Variants in MAX observed in about 807,000 individuals in gnomAD.
MAX encodes the protein MYC associated transcriptional regulator X.
Under a neutral mutation model 22.3 loss-of-function variants are expected in MAX, and 3 were observed. The observed-to-expected ratio is 0.13, with a 90% CI of 0.06 to 0.35. The LOEUF (loss-of-function observed/expected upper bound fraction) is 0.35. MAX is among the 10% of genes least tolerant of loss of function. The pLI is 1.00. For missense variants in MAX, 119 were observed against 209.4 expected (o/e 0.57, Z 2.66); for synonymous variants, 72 against 77.7 (o/e 0.93, Z 0.39).
chr14:65,019,740 T>C (rs554942981), intron 3 of MAX, among the ~76,000 whole-genome samples: 57 of 152,330 alleles, frequency 3.7e-4, no homozygotes, highest in African/African-American at 1.3e-3. Context: ...ATAATGTATT[T>C]TGCTTTGTGC....
intron 3 of MAX, chr14:65,015,695 TC>T (rs1482427198): frequency 6.2e-7 from 1 of 1,614,022 alleles, no homozygotes; most frequent in Non-Finnish European, 8.5e-7. Flanking sequence ...GATGAACCCA[TC>T]CCCCAGATAG....
chr14:65,093,423 T>C lies in MAX; in HGVS notation c.171+285A>G, dbSNP rs909215069. 1 of 431,976 alleles carries C rather than the reference T, an allele frequency of 2.3e-6. No homozygotes were observed. Among genetic ancestry groups the C allele is most frequent in the Non-Finnish European group, 4.3e-6 (1 of 231,882 alleles). The allele number at this position is 431,976 out of a possible 1,614,324, so 26.8% of individuals were successfully genotyped here. ...CTCTTGGCCACTCTTTATACTATAG[T>C]GTATAGTTATAATTTCTTGAATTTA... On this transcript the variant is annotated intron_variant, in intron 3 of 4. Transcript: ENST00000358664. The surrounding 1 kb of genome is among the most constrained non-coding windows in gnomAD (Gnocchi z 4.4).
In MAX at chr14:65,021,070, T is replaced by C. The variant is rs180849769; in HGVS notation, c.172-14786A>G. On this transcript the variant is annotated intron_variant, in intron 3 of 3. Transcript: ENST00000341653. ...AAGAGGTTATATGCACACATTTATA[T>C]GTGTTTATCTAAAATGAATTAATAT... Among the ~76,000 whole-genome samples the C allele has an allele frequency of 2.1e-3, 323 of 152,324 alleles. 2 individuals are homozygous for C. The highest frequency in any genetic ancestry group is 3.0e-3 in the Non-Finnish European group (203 of 68,016).
chr14:65,070,464 G>C (rs116882047), downstream of MAX, among the ~76,000 whole-genome samples: 631 of 152,306 alleles, frequency 4.1e-3, 10 homozygotes, highest in East Asian at 0.04. This position sits in a 1 kb window ranked among gnomAD's most constrained non-coding sequence, Gnocchi z 4.4. Context: ...GACAGCAAAG[G>C]AAAACAATCC....
At position 65,027,539 on chromosome 14, in the gene MAX, A is replaced by T. The variant is rs570650527; in HGVS notation, c.172-21255T>A. Reference sequence around the variant, plus strand: ...CAGTATCCACACCTTGCACCCACATATGCAGCAGTCAATGCATTGTGCATC... The same window carrying T: ...CAGTATCCACACCTTGCACCCACATTTGCAGCAGTCAATGCATTGTGCATC... On this transcript the variant is annotated intron_variant, in intron 3 of 3. Transcript: ENST00000341653. The surrounding 1 kb of genome is among the most constrained non-coding windows in gnomAD (Gnocchi z 5.7). The T allele has an allele frequency of 2.2e-5, 36 of 1,614,202 alleles. No homozygotes were observed. In the East Asian group the frequency reaches 7.8e-4, roughly 35 times the overall value.
rs925695783 is a variant in MAX at position 65,031,424 on chromosome 14, T to C, written c.172-25140A>G. Among the ~76,000 whole-genome samples the C allele has an allele frequency of 1.3e-5, 2 of 151,596 alleles. No homozygotes were observed. Among genetic ancestry groups the C allele is most frequent in the Non-Finnish European group, 2.9e-5 (2 of 67,868 alleles). On this transcript the variant is annotated intron_variant, in intron 3 of 3. Coordinates refer to the MAX transcript ENST00000341653. The surrounding 1 kb of genome is among the most constrained non-coding windows in gnomAD (Gnocchi z 4.6). ...CCCCCGCCTCCCGGGTTCAAGTGGT[T>C]CTCCTGCCTCAGCCTCCCAAGTAGT...
intron 3 of MAX, among the ~76,000 whole-genome samples, chr14:65,013,605 A>T (rs777849951): frequency 6.6e-6 from 1 of 152,230 alleles, no homozygotes; most frequent in Non-Finnish European, 1.5e-5. Flanking sequence ...GCTGGAGTGC[A>T]GTGGCATGAT....
In MAX at chr14:65,084,139, A is replaced by G; in HGVS notation, c.172-6103T>C. ...GCCCTCAAGCAGCTTAATTAAAGCC[A>G]GGAGTAAGACATTTGTGTAAGGGGT... is the stretch of plus-strand genomic sequence containing the variant. On this transcript the variant is annotated intron_variant, in intron 3 of 4. Transcript: ENST00000358664. This position sits in a 1 kb window ranked among gnomAD's most constrained non-coding sequence, Gnocchi z 4.3. The G allele has an allele frequency of 3.7e-6, 6 of 1,611,260 alleles. No homozygotes were observed. The highest frequency in any genetic ancestry group is 5.1e-6 in the Non-Finnish European group (6 of 1,178,208).
chr14:65,034,432 CACTT>C (rs1397318421), intron 3 of MAX, among the ~76,000 whole-genome samples: 1 of 152,230 alleles, frequency 6.6e-6, no homozygotes, highest in Non-Finnish European at 1.5e-5. Context: ...TCTAATCTCA[CACTT>C]AATTATTTGG....
At chr14:65,006,647 G>T (rs1384507532) in intron 3 of MAX, among the ~76,000 whole-genome samples, 1 of 152,218 alleles carries the variant, frequency 6.6e-6, no homozygotes, top group Non-Finnish European at 1.5e-5. Flanking sequence ...CTGAGTCACT[G>T]TCCACTGCCT....
In MAX at chr14:65,054,436, G is replaced by A. The variant is rs2062683116; in HGVS notation, c.171+39272C>T. The A allele has an allele frequency of 3.6e-6, 3 of 829,736 alleles. No individual in the cohort carries two copies. Among genetic ancestry groups the A allele is most frequent in the Non-Finnish European group, 5.6e-6 (3 of 532,262 alleles). 51.4% of individuals were successfully genotyped at this position (829,736 alleles called of 1,614,324 possible). ...GTGGGGCTTTAAATAACACTGCTGGGAAAACCATGCCTCCTCTAGCCACAT... is the reference window on the plus strand; with the variant it reads ...GTGGGGCTTTAAATAACACTGCTGGAAAAACCATGCCTCCTCTAGCCACAT... On this transcript the variant is annotated intron_variant, in intron 3 of 3. Transcript: ENST00000341653. This position sits in a 1 kb window ranked among gnomAD's most constrained non-coding sequence, Gnocchi z 4.4.
Position 65,081,706 on chromosome 14 carries a change from A to T in MAX, c.172-3670T>A, listed in dbSNP as rs569921994. Among the ~76,000 whole-genome samples, 31 of 152,052 alleles carry T rather than the reference A, an allele frequency of 2.0e-4. 2 individuals carry two copies. Among genetic ancestry groups the T allele is most frequent in the Admixed American group, 2.0e-3 (30 of 15,286 alleles). On this transcript the variant is annotated intron_variant, in intron 3 of 4. Transcript: ENST00000358664. ...TTGGGTACTCAGTAAAAGCCTGAAA[A>T]TTTTTTTCCTGATAGTTTTTATAAT...
chr14:65,048,543 A>G (rs2062538016), intron 3 of MAX, among the ~76,000 whole-genome samples: 1 of 152,190 alleles, frequency 6.6e-6, no homozygotes, highest in Non-Finnish European at 1.5e-5. Flanking sequence ...TTTGAGTAGA[A>G]GAAGGAATTA....
At chr14:65,058,984 A>G (rs925968354) in intron 3 of MAX, among the ~76,000 whole-genome samples, 4 of 152,080 alleles carry the variant, frequency 2.6e-5, no homozygotes, top group Non-Finnish European at 4.4e-5. Flanking sequence ...AGCCTCATAA[A>G]ATTAAATGGG....
intron 3 of MAX, among the ~76,000 whole-genome samples, chr14:65,058,109 AC>A (rs2139689707): frequency 7.1e-6 from 1 of 141,170 alleles, no homozygotes; most frequent in Admixed American, 6.7e-5. Context: ...GAGAGAACCA[AC>A]TTTTTTTTTT....
chr14:65,065,170 G>A (rs1354153423), intron 3 of MAX, among the ~76,000 whole-genome samples: 1 of 152,166 alleles, frequency 6.6e-6, no homozygotes, highest in Non-Finnish European at 1.5e-5. Context: ...TTAGGGGATG[G>A]TAGAATGTGT....
chr14:65,072,565 G>C (rs893414164), downstream of MAX, among the ~76,000 whole-genome samples: 15 of 152,150 alleles, frequency 9.9e-5, no homozygotes, highest in African/African-American at 2.9e-4. Context: ...AGTGACTTGA[G>C]GACCACCTGA....
In MAX at chr14:65,009,834, C is replaced by G. The variant is rs2061656689; in HGVS notation, c.172-3550G>C. On this transcript the variant is annotated intron_variant, in intron 3 of 3. Coordinates refer to the MAX transcript ENST00000341653. This position sits in a 1 kb window ranked among gnomAD's most constrained non-coding sequence, Gnocchi z 4.2. ...TGGGAAGAGTTTTCTGACCCTCCAT[C>G]TCTTCCCGTGGCTGATCACAGCGTT... Among the ~76,000 whole-genome samples the G allele has an allele frequency of 6.6e-6, 1 of 152,150 alleles. No individual in the cohort carries two copies. The highest frequency in any genetic ancestry group is 1.5e-5 in the Non-Finnish European group (1 of 68,024).
chr14:65,065,965 T>TGAGCCC (rs1443262251), intron 3 of MAX, among the ~76,000 whole-genome samples: 6 of 152,170 alleles, frequency 3.9e-5, no homozygotes, highest in Admixed American at 1.3e-4. Flanking sequence ...TGGTGGTGCC[T>TGAGCCC]GAGCCCGAGC....
Sources: gnomAD v4.1 joint callset for allele counts (sites outside exome capture counted in the v4.1 genomes callset) on GRCh38, gnomAD v4.1.1 for gene constraint, Gnocchi (gnomAD v3.1) non-coding constraint, MANE v1.5 for transcripts, NCBI Gene and HGNC (gene_info 2026-07-23, HGNC 2026-07-21) for gene names.